The following PTCD3 variants were observed in gnomAD, a reference collection of about 807,000 sequenced individuals.
PTCD3 encodes pentatricopeptide repeat domain 3.
In PTCD3, 89 loss-of-function variants were observed where a neutral mutation model predicts 101.9. The ratio of observed to expected loss-of-function variants is 0.87; its 90% confidence interval spans 0.74 to 1.04. The LOEUF is 1.04. PTCD3 is among the 50% of genes least tolerant of loss of function. The pLI is 0.00. For missense variants in PTCD3, 870 were observed against 828.2 expected (o/e 1.05, Z -0.62); for synonymous variants, 296 against 278.5 (o/e 1.06, Z -0.63).
At chr2:86,110,256 A>G (rs141264438) in intron 3 of PTCD3, among the ~76,000 whole-genome samples, 86 of 152,382 alleles carry the variant, frequency 5.6e-4, no homozygotes, top group African/African-American at 2.0e-3. Context: ...CTGAAATTAC[A>G]TAAATGTGAC....
intron 16 of PTCD3, among the ~76,000 whole-genome samples, 177 bp downstream of exon 16, chr2:86,131,283 C>T (rs548387816): frequency 1.3e-4 from 19 of 151,996 alleles, no homozygotes; most frequent in African/African-American, 4.6e-4. Flanking sequence ...TTCACTGTGT[C>T]CCCCATGCTG....
intron 19 of PTCD3, 112 bp from the exon 20 acceptor site, chr2:86,134,180 A>G (rs1376908369): frequency 5.3e-6 from 4 of 747,762 alleles, no homozygotes; most frequent in Non-Finnish European, 6.6e-6. Context: ...GGATAAGCCT[A>G]GAATAAATAA....
chr2:86,119,868 C>G (rs898380073), intron 7 of PTCD3, among the ~76,000 whole-genome samples: 1 of 152,174 alleles, frequency 6.6e-6, no homozygotes, highest in Non-Finnish European at 1.5e-5. Context: ...TGGATGTAAA[C>G]TTGCGGAGCT....
chr2:86,123,657 C>T, intron 8 of PTCD3, 44 bp from the exon 9 acceptor site: 1 of 1,430,944 alleles, frequency 7.0e-7, no homozygotes, highest in East Asian at 2.3e-5. Flanking sequence ...GAAATGCATT[C>T]CATTGCCTTA....
At position 86,108,444 on chromosome 2, in the gene PTCD3, C is replaced by T. The variant is rs746698073; in HGVS notation, c.157+42C>T. On this transcript the variant is annotated intron_variant, in intron 2 of 23. Transcript: ENST00000254630. ...ATTGAATTCTATTTTTATATCAACA[C>T]GTTGGATTCCATTGTAGTACTAGGA... 30 of 1,590,698 alleles carry T rather than the reference C, an allele frequency of 1.9e-5. No homozygotes were observed. In the Middle Eastern group the frequency reaches 5.6e-4, roughly 30 times the overall value.
intron 6 of PTCD3, 152 bp from the exon 7 acceptor site, chr2:86,118,769 T>G (rs899456782): frequency 1.6e-5 from 13 of 818,908 alleles, no homozygotes; most frequent in Non-Finnish European, 2.2e-5. Flanking sequence ...GACAGTGATG[T>G]TAAAATGATC....
At chr2:86,129,846 A>G (rs1435910347) in intron 14 of PTCD3, among the ~76,000 whole-genome samples, 1 of 152,082 alleles carries the variant, frequency 6.6e-6, no homozygotes, top group Non-Finnish European at 1.5e-5. Flanking sequence ...TAGGGAAAGG[A>G]GTGTAGAGAA....
intron 12 of PTCD3, 31 bp from the exon 13 acceptor site, chr2:86,127,130 G>T: frequency 6.3e-7 from 1 of 1,584,458 alleles, no homozygotes; most frequent in South Asian, 1.1e-5. Flanking sequence ...ACCCAGGCAT[G>T]AAAGATACTT....
chr2:86,116,526 A>C lies in PTCD3; in HGVS notation c.241-4A>C. 6.2e-7 allele frequency: 1 copy of C among 1,603,680 alleles called. No individual in the cohort carries two copies. Among genetic ancestry groups the C allele is most frequent in the South Asian group, 1.1e-5 (1 of 90,766 alleles). On this transcript the variant is annotated splice_polypyrimidine_tract_variant and splice_region_variant and intron_variant, in intron 4 of 23. Coordinates refer to ENST00000254630, the MANE Select transcript of PTCD3 (RefSeq NM_017952.6). ...ATAGAAATTGTATTATGTCTTTTCC[A>C]CAGGATACCACAGCTGTGCCTTATG...
intron 7 of PTCD3, 35 bp from the exon 8 acceptor site, chr2:86,121,444 C>G: frequency 7.4e-7 from 1 of 1,352,704 alleles, no homozygotes; most frequent in Non-Finnish European, 1.0e-6. Flanking sequence ...TTCATTGTTT[C>G]AAGGTTTCTT....
At chr2:86,112,869 C>T (rs752533221) in intron 4 of PTCD3, among the ~76,000 whole-genome samples, 103 of 151,820 alleles carry the variant, frequency 6.8e-4, no homozygotes, top group Non-Finnish European at 1.3e-3. Flanking sequence ...ATCTTTAATC[C>T]CTGGAAGGGC....
intron 16 of PTCD3, 47 bp from the exon 17 acceptor site, chr2:86,132,271 T>C: frequency 8.6e-7 from 1 of 1,164,532 alleles, no homozygotes; most frequent in Non-Finnish European, 1.3e-6. Flanking sequence ...TGTGAACCAC[T>C]GGCTGACAGG....
chr2:86,113,284 T>C (rs903437375), intron 4 of PTCD3, among the ~76,000 whole-genome samples: 8 of 152,202 alleles, frequency 5.3e-5, no homozygotes, highest in South Asian at 2.1e-4. Context: ...GAGTTTGTAG[T>C]CTGGTAGATA....
At chr2:86,117,848 C>T (rs1320972613) in intron 6 of PTCD3, among the ~76,000 whole-genome samples, 1 of 152,178 alleles carries the variant, frequency 6.6e-6, no homozygotes, top group Non-Finnish European at 1.5e-5. Context: ...ACGATCTTGG[C>T]TCACTGCAGC....
At chr2:86,109,221 C>G (rs1027186326) in intron 3 of PTCD3, among the ~76,000 whole-genome samples, 1 of 152,070 alleles carries the variant, frequency 6.6e-6, no homozygotes, top group Non-Finnish European at 1.5e-5. Flanking sequence ...CTGGCTAACA[C>G]GGTGAAACCC....
Position 86,137,148 on chromosome 2 carries a change from G to C in PTCD3, c.1979+8G>C. On this transcript the variant is annotated splice_region_variant and intron_variant, in intron 23 of 23. Transcript: ENST00000254630. Reference sequence around the variant, plus strand: ...AATCAACCAGGAACAAAAGTAAGTGGTCACCATGAAGCATAGTTTGTAAAA... The same window carrying C: ...AATCAACCAGGAACAAAAGTAAGTGCTCACCATGAAGCATAGTTTGTAAAA... 1.9e-6 allele frequency: 3 copies of C among 1,571,912 alleles called. No homozygotes were observed. Among genetic ancestry groups the C allele is most frequent in the Non-Finnish European group, 2.6e-6 (3 of 1,160,196 alleles).
intron 7 of PTCD3, 92 bp from the exon 8 acceptor site, chr2:86,121,387 C>T (rs1213780140): frequency 3.1e-5 from 23 of 745,610 alleles, no homozygotes; most frequent in South Asian, 2.2e-4. Flanking sequence ...TGAAGACCAC[C>T]GCTAATATAA....
intron 3 of PTCD3, among the ~76,000 whole-genome samples, chr2:86,109,691 G>T (rs1338610717): frequency 6.6e-6 from 1 of 152,184 alleles, no homozygotes; most frequent in African/African-American, 2.4e-5. Flanking sequence ...CACTTTGGAG[G>T]AACATTTGCA....
At chr2:86,129,429 T>C (rs1312872455) in intron 14 of PTCD3, among the ~76,000 whole-genome samples, 1 of 152,168 alleles carries the variant, frequency 6.6e-6, no homozygotes, top group Non-Finnish European at 1.5e-5. Flanking sequence ...GCAGGAGGAT[T>C]GCTTGAGCCC....
Sources: gnomAD v4.1 joint callset for allele counts (sites outside exome capture counted in the v4.1 genomes callset) on GRCh38, gnomAD v4.1.1 for gene constraint, MANE v1.5 for transcripts, NCBI Gene and HGNC (gene_info 2026-07-23, HGNC 2026-07-21) for gene names.